The following CSGALNACT1 variants were observed in gnomAD, a reference collection of about 807,000 sequenced individuals.
CSGALNACT1 encodes beta4GalNAcT-1.
Under a neutral mutation model 51.0 loss-of-function variants are expected in CSGALNACT1, and 52 were observed. The observed-to-expected ratio is 1.02, with a 90% CI of 0.82 to 1.29. CSGALNACT1 has a LOEUF of 1.29. CSGALNACT1 is among the 50% of genes most tolerant of loss of function. CSGALNACT1 has a pLI of 0.00. For synonymous variants in CSGALNACT1, 341 were observed against 254.4 expected (o/e 1.34, Z -3.24); for missense variants, 935 against 679.2 (o/e 1.38, Z -4.19).
intron 3 of CSGALNACT1, among the ~76,000 whole-genome samples, chr8:19,560,935 A>T (rs553290423): frequency 2.0e-5 from 3 of 152,316 alleles, no homozygotes; most frequent in Admixed American, 2.0e-4. Flanking sequence ...CATTCAATCA[A>T]ATACTTCACT....
intron 2 of CSGALNACT1, among the ~76,000 whole-genome samples, chr8:19,599,148 G>C (rs980929240): frequency 1.3e-5 from 2 of 151,702 alleles, no homozygotes; most frequent in African/African-American, 4.8e-5. Context: ...GGAGCACAGA[G>C]AGCTAGTGTC....
chr8:19,693,183 G>C (rs2061416933), intron 1 of CSGALNACT1, among the ~76,000 whole-genome samples: 2 of 152,150 alleles, frequency 1.3e-5, no homozygotes, highest in South Asian at 4.1e-4. Flanking sequence ...TGGAAGACTG[G>C]AGGACCAGAG....
At chr8:19,461,332 G>A (rs370700583) in intron 4 of CSGALNACT1, among the ~76,000 whole-genome samples, 11 of 152,308 alleles carry the variant, frequency 7.2e-5, no homozygotes, top group African/African-American at 2.6e-4. Flanking sequence ...GATGCTGTCT[G>A]GGATCACAAG....
At chr8:19,745,777 G>A (rs564290086) in intron 1 of CSGALNACT1, among the ~76,000 whole-genome samples, 33 of 152,284 alleles carry the variant, frequency 2.2e-4, no homozygotes, top group African/African-American at 6.7e-4. Flanking sequence ...ACAGAAAGTC[G>A]ATCTCAGAGA....
chr8:19,576,386 T>C (rs765065090), intron 3 of CSGALNACT1, among the ~76,000 whole-genome samples: 9 of 152,018 alleles, frequency 5.9e-5, no homozygotes, highest in Admixed American at 3.3e-4. Context: ...AGAGACGGGG[T>C]TTCATTATGT....
chr8:19,614,167 A>C (rs1389952362), intron 1 of CSGALNACT1, among the ~76,000 whole-genome samples: 1 of 152,178 alleles, frequency 6.6e-6, no homozygotes, highest in Non-Finnish European at 1.5e-5. Context: ...ATCACCTATT[A>C]TATGCCAAGT....
intron 2 of CSGALNACT1, among the ~76,000 whole-genome samples, chr8:19,592,066 A>C (rs1019722290): frequency 6.6e-6 from 1 of 150,804 alleles, no homozygotes. Context: ...CTTTAAAAGA[A>C]AAAAAAAGAT....
Position 19,535,158 on chromosome 8 carries a change from A to T in CSGALNACT1, c.-296-29028T>A, listed in dbSNP as rs140658426. 7.2e-5 allele frequency among the ~76,000 whole-genome samples: 11 copies of T among 152,334 alleles called. No individual in the cohort carries two copies. In the East Asian group the frequency reaches 2.1e-3, roughly 29 times the overall value. ...ATTTTAAACCTATTTCCAAATTATCATCCCTGTGCCTGCTACTGACATATA... is the reference window on the plus strand; with the variant it reads ...ATTTTAAACCTATTTCCAAATTATCTTCCCTGTGCCTGCTACTGACATATA... On this transcript the variant is annotated intron_variant, in intron 3 of 9. Coordinates refer to ENST00000454498, the Ensembl canonical transcript of CSGALNACT1.
chr8:19,659,823 C>T (rs1660253854), intron 1 of CSGALNACT1, among the ~76,000 whole-genome samples: 1 of 152,222 alleles, frequency 6.6e-6, no homozygotes, highest in Non-Finnish European at 1.5e-5. Context: ...AACCCTCCAG[C>T]AGTGCATCTC....
chr8:19,655,561 C>CATATAT (rs1564359836), intron 1 of CSGALNACT1, among the ~76,000 whole-genome samples: 37 of 130,978 alleles, frequency 2.8e-4, no homozygotes, highest in East Asian at 1.8e-3. Flanking sequence ...CATATATATA[C>CATATAT]ACACACACAC....
At chr8:19,599,454 A>AAAAG (rs1363180745) in intron 2 of CSGALNACT1, among the ~76,000 whole-genome samples, 20 of 123,940 alleles carry the variant, frequency 1.6e-4, no homozygotes, top group African/African-American at 6.2e-4. Context: ...AAAGAAAAAG[A>AAAAG]AAAGAAAGAA....
chr8:19,518,067 G>C (rs1371234715), intron 3 of CSGALNACT1, among the ~76,000 whole-genome samples: 6 of 152,152 alleles, frequency 3.9e-5, no homozygotes, highest in Non-Finnish European at 8.8e-5. Flanking sequence ...ACAGCTTCTA[G>C]AGAAATGCAT....
chr8:19,468,689 G>A (rs1008818657), intron 4 of CSGALNACT1, among the ~76,000 whole-genome samples: 4 of 151,664 alleles, frequency 2.6e-5, no homozygotes, highest in African/African-American at 9.7e-5. Flanking sequence ...GTGAGGGAGA[G>A]GGAGAAAAGG....
At chr8:19,407,872 TTGTG>T (rs1563250883) in intron 9 of CSGALNACT1, among the ~76,000 whole-genome samples, 1 of 151,726 alleles carries the variant, frequency 6.6e-6, no homozygotes, top group Non-Finnish European at 1.5e-5. Context: ...TGTATATGAA[TTGTG>T]TGTGCATGTG....
intron 1 of CSGALNACT1, among the ~76,000 whole-genome samples, chr8:19,635,010 G>A (rs907621544): frequency 1.9e-4 from 29 of 152,240 alleles, no homozygotes; most frequent in Non-Finnish European, 3.8e-4. Context: ...GACAGGTCAT[G>A]TTAAATGTTT....
At chr8:19,524,488 C>T (rs2081297894) in intron 3 of CSGALNACT1, among the ~76,000 whole-genome samples, 1 of 152,078 alleles carries the variant, frequency 6.6e-6, no homozygotes, top group Non-Finnish European at 1.5e-5. Flanking sequence ...AAACCCTTTA[C>T]ATATTTCCCA....
upstream of CSGALNACT1, among the ~76,000 whole-genome samples, chr8:19,603,019 A>G (rs1316382922): frequency 1.4e-5 from 2 of 145,300 alleles, no homozygotes; most frequent in African/African-American, 5.1e-5. Flanking sequence ...CATATATACA[A>G]ACATACAATT....
intron 2 of CSGALNACT1, among the ~76,000 whole-genome samples, chr8:19,591,941 G>A (rs768311862): frequency 6.6e-6 from 1 of 152,024 alleles, no homozygotes; most frequent in African/African-American, 2.4e-5. Context: ...CTGTCAATGA[G>A]GAATAGATGT....
intron 1 of CSGALNACT1, among the ~76,000 whole-genome samples, chr8:19,671,647 T>C (rs376515680): frequency 2.0e-5 from 3 of 152,078 alleles, no homozygotes; most frequent in African/African-American, 7.2e-5. Flanking sequence ...ACAAAAGTCA[T>C]TGATAAAGAC....
Sources: gnomAD v4.1 joint callset for allele counts (sites outside exome capture counted in the v4.1 genomes callset) on GRCh38, gnomAD v4.1.1 for gene constraint, MANE v1.5 for transcripts, NCBI Gene and HGNC (gene_info 2026-07-23, HGNC 2026-07-21) for gene names.